KIR3DL3: variants seen among roughly 807,000 people sequenced by gnomAD.
KIR3DL3 encodes killer cell immunoglobulin like receptor, three Ig domains and long cytoplasmic tail 3, also known as killer cell immunoglobulin-like receptor 3DL3.
KIR3DL3 carries 27 observed loss-of-function variants against 34.9 expected under a neutral mutation model. The ratio of observed to expected loss-of-function variants is 0.77; its 90% CI spans 0.57 to 1.07. KIR3DL3 has a LOEUF of 1.07. KIR3DL3 is among the 50% of genes least tolerant of loss of function. The pLI is 0.00. For synonymous variants in KIR3DL3, 217 were observed against 200.2 expected (o/e 1.08, Z -0.71); for missense variants, 681 against 528.5 (o/e 1.29, Z -2.83).
chr19:54,725,735 G>T (rs2068089311), intron 2 of KIR3DL3, among the ~76,000 whole-genome samples: 1 of 152,126 alleles, frequency 6.6e-6, no homozygotes, highest in Non-Finnish European at 1.5e-5. Flanking sequence ...TCTAATAGGG[G>T]CTCAGTTGTT....
chr19:54,729,478 C>CTCT lies in KIR3DL3; in HGVS notation c.656-6_656-4dup, dbSNP rs1444153963. On this transcript the variant is annotated splice_polypyrimidine_tract_variant and intron_variant, in intron 4 of 7. Transcript: ENST00000291860. ...GGAAGAACCTCCCTGAGGAAACCACCTCTTCTTCTTCCAGGTCTATATGGG... is the reference window on the plus strand; with the variant it reads ...GGAAGAACCTCCCTGAGGAAACCACCTCTTCTTCTTCTTCCAGGTCTATATGGG... The CTCT allele has an allele frequency of 1.3e-6, 2 of 1,562,352 alleles. No individual in the cohort carries two copies. The highest frequency in any genetic ancestry group is 1.7e-6 in the Non-Finnish European group (2 of 1,162,400).
chr19:54,725,350 C>A, intron 2 of KIR3DL3, 68 bp downstream of exon 2: 1 of 1,161,170 alleles, frequency 8.6e-7, no homozygotes, highest in Admixed American at 2.2e-5. Flanking sequence ...AAACGGGAGG[C>A]AGGCGACACA....
chr19:54,724,896 A>C (rs2067979672), intron 1 of KIR3DL3, among the ~76,000 whole-genome samples: 1 of 91,630 alleles, frequency 1.1e-5, no homozygotes. Context: ...TGGGCCTGGA[A>C]CTGTAGATAT....
Position 54,729,312 on chromosome 19 carries a change from G to A in KIR3DL3, c.656-181G>A, listed in dbSNP as rs1479890481. ...CTAGGGATGGAGAAGTGAGGTCAGAGACCTAGAGAGACAGAGAAGGTGGAA... is the reference window on the plus strand; with the variant it reads ...CTAGGGATGGAGAAGTGAGGTCAGAAACCTAGAGAGACAGAGAAGGTGGAA... On this transcript the variant is annotated intron_variant, in intron 4 of 7. Transcript: ENST00000291860. Among the ~76,000 whole-genome samples, 62 of 152,078 alleles carry A rather than the reference G, an allele frequency of 4.1e-4. No individual in the cohort carries two copies. The South Asian group carries it at 0.013, about 31-fold the overall frequency.
intron 5 of KIR3DL3, among the ~76,000 whole-genome samples, chr19:54,730,405 AATAATT>A (rs2068674493): frequency 6.7e-6 from 1 of 149,028 alleles, no homozygotes; most frequent in Admixed American, 6.8e-5. Flanking sequence ...AATACAAAAT[AATAATT>A]ATAATGATAA....
rs603334 is a variant in KIR3DL3, at chr19:54,735,457, G to C, written c.1054+100G>C. 834 of 625,428 alleles carry C rather than the reference G, an allele frequency of 1.3e-3. 12 individuals carry two copies. The African/African-American group carries it at 0.017, about 12-fold the overall frequency. 38.7% of individuals were successfully genotyped at this position (625,428 alleles called of 1,614,324 possible). Reference sequence around the variant, plus strand: ...TTCCTCACAGACTGGATGGTCCCTGGCCCAAGGCAGGAGCCACAGAGGCAG... The same window carrying C: ...TTCCTCACAGACTGGATGGTCCCTGCCCCAAGGCAGGAGCCACAGAGGCAG... On this transcript the variant is annotated intron_variant, in intron 6 of 7. Transcript: ENST00000291860.
chr19:54,727,375 G>A (rs2068299378), intron 3 of KIR3DL3, among the ~76,000 whole-genome samples: 1 of 133,448 alleles, frequency 7.5e-6, no homozygotes, highest in Non-Finnish European at 1.6e-5. Context: ...CAGCCTAAGA[G>A]GTGACACTGA....
At chr19:54,729,149 G>A (rs2068518262) in intron 4 of KIR3DL3, among the ~76,000 whole-genome samples, 1 of 147,804 alleles carries the variant, frequency 6.8e-6, no homozygotes, top group Admixed American at 6.9e-5. Context: ...TCGATCAATA[G>A]ATAATAGATA....
In KIR3DL3 at chr19:54,736,403, C is replaced by T; in HGVS notation, c.*307C>T. The T allele has an allele frequency of 2.2e-6, 1 of 459,428 alleles. No homozygotes were observed. Among genetic ancestry groups the T allele is most frequent in the Admixed American group, 3.8e-5 (1 of 26,650 alleles). The allele number at this position is 459,428 out of a possible 1,614,324, so 28.5% of individuals were successfully genotyped here. On this transcript the variant is annotated 3_prime_UTR_variant, in exon 8 of 8. Coordinates refer to ENST00000291860, the MANE Select transcript of KIR3DL3 (RefSeq NM_153443.5). ...CTCCATTTCACTTGACCCCTGCCCACCTCTCCAACCTAACTGGCTTACTTC... is the reference window on the plus strand; with the variant it reads ...CTCCATTTCACTTGACCCCTGCCCATCTCTCCAACCTAACTGGCTTACTTC...
intron 5 of KIR3DL3, among the ~76,000 whole-genome samples, chr19:54,732,468 G>A (rs2068921896): frequency 6.6e-6 from 1 of 151,928 alleles, no homozygotes; most frequent in Non-Finnish European, 1.5e-5. Flanking sequence ...ATGTTGTGCA[G>A]GCTGTCTCAA....
At chr19:54,729,859 G>A (rs1221467792) in intron 5 of KIR3DL3, 73 bp downstream of exon 5, 30 of 1,447,658 alleles carry the variant, frequency 2.1e-5, no homozygotes, top group Non-Finnish European at 2.7e-5. Flanking sequence ...TGCTGATGAT[G>A]GAGAGAAGCA....
intron 5 of KIR3DL3, among the ~76,000 whole-genome samples, chr19:54,733,399 G>T (rs1211765334): frequency 1.3e-5 from 2 of 152,134 alleles, no homozygotes; most frequent in Non-Finnish European, 2.9e-5. Context: ...TGGTGCATTG[G>T]CACCTGCCTG....
intron 5 of KIR3DL3, among the ~76,000 whole-genome samples, chr19:54,732,511 C>T (rs1303749108): frequency 2.6e-5 from 4 of 152,116 alleles, no homozygotes; most frequent in South Asian, 2.1e-4. Context: ...ACCGCCTTAG[C>T]GTCCCTAAGT....
At chr19:54,731,804 A>G (rs1188147074) in intron 5 of KIR3DL3, among the ~76,000 whole-genome samples, 4 of 151,884 alleles carry the variant, frequency 2.6e-5, no homozygotes, top group Non-Finnish European at 5.9e-5. Context: ...ACATGGCATC[A>G]TTCAGACTCT....
At chr19:54,725,323 A>G in intron 2 of KIR3DL3, 41 bp downstream of exon 2, 3 of 1,479,226 alleles carry the variant, frequency 2.0e-6, no homozygotes, top group Non-Finnish European at 2.7e-6. Flanking sequence ...ATCTCCCCAC[A>G]TAAGATGATG....
At chr19:54,725,058 T>C (rs536900286) in intron 1 of KIR3DL3, among the ~76,000 whole-genome samples, 189 bp from the exon 2 acceptor site, 1 of 124,430 alleles carries the variant, frequency 8.0e-6, no homozygotes, top group Admixed American at 8.1e-5. Flanking sequence ...GGAGTAGAGA[T>C]ATAGGACGGA....
chr19:54,732,119 T>G (rs1284236003), intron 5 of KIR3DL3, among the ~76,000 whole-genome samples: 1 of 152,196 alleles, frequency 6.6e-6, no homozygotes, highest in African/African-American at 2.4e-5. Context: ...GCCTCTGCTC[T>G]TGGGACGCTG....
At position 54,735,239 on chromosome 19, in the gene KIR3DL3, T is replaced by C; in HGVS notation, c.950-14T>C. On this transcript the variant is annotated splice_polypyrimidine_tract_variant and intron_variant, in intron 5 of 7. Transcript: ENST00000291860. ...CTATGATTAGCTTCTTATTGGTGTC[T>C]TGTCTTCCTCCAGGTAACTCCAGAA... 1.4e-6 allele frequency: 2 copies of C among 1,481,118 alleles called. No homozygotes were observed. The highest frequency in any genetic ancestry group is 1.9e-6 in the Non-Finnish European group (2 of 1,067,842). 91.7% of individuals were successfully genotyped at this position (1,481,118 alleles called of 1,614,324 possible).
chr19:54,729,109 T>A (rs1216862582), intron 4 of KIR3DL3, among the ~76,000 whole-genome samples: 1 of 148,898 alleles, frequency 6.7e-6, no homozygotes, highest in Non-Finnish European at 1.5e-5. Flanking sequence ...TGATGATAGA[T>A]GATAGATACA....
Sources: allele counts gnomAD v4.1 joint callset (sites outside exome capture counted in the v4.1 genomes callset), GRCh38; gene constraint gnomAD v4.1.1; transcripts MANE v1.5; gene names NCBI Gene and HGNC (gene_info 2026-07-23, HGNC 2026-07-21).